Variants in KMT2B observed in about 807,000 individuals in gnomAD.
KMT2B encodes histone-lysine N-methyltransferase 2B.
A neutral mutation model predicts 255.3 loss-of-function variants in KMT2B; 22 were observed. That is an observed-to-expected ratio of 0.09 (90% CI 0.06 to 0.12). The LOEUF is 0.12. Ranked by LOEUF, KMT2B falls within the 10% of genes least tolerant of loss-of-function variation. KMT2B has a pLI of 1.00. For synonymous variants in KMT2B, 1,730 were observed against 1,498.1 expected (o/e 1.15, Z -3.57); for missense variants, 3,149 against 3,737.0 (o/e 0.84, Z 4.10).
In KMT2B at chr19:35,737,981, C is replaced by T. The variant is rs200402710; in HGVS notation, c.7742+39C>T. On this transcript the variant is annotated intron_variant, in intron 35 of 36. Coordinates refer to ENST00000420124, the MANE Select transcript of KMT2B (RefSeq NM_014727.3). The surrounding 1 kb of genome is among the most constrained non-coding windows in gnomAD (Gnocchi z 5.3). ...GGGGGGAGGATGCCCCTTGGGTGGA[C>T]GGACAGGTGCACTGGGTAGGGGGTA... The T allele has an allele frequency of 3.9e-5, 63 of 1,607,882 alleles. No individual in the cohort carries two copies. The highest frequency in any genetic ancestry group is 1.0e-4 in the Admixed American group (6 of 58,938).
At chr19:35,731,210 C>A (rs950714022) in intron 26 of KMT2B, among the ~76,000 whole-genome samples, 1 of 152,212 alleles carries the variant, frequency 6.6e-6, no homozygotes, top group Non-Finnish European at 1.5e-5. Flanking sequence ...GGGACAGTGG[C>A]TGAACACAGT....
chr19:35,721,599 A>G lies in KMT2B; in HGVS notation c.2252A>G (p.Gln751Arg). The stretch of plus-strand genomic sequence containing the variant: ...GCCTTGCAAACCCAGCTCCTGCCCC[A>G]GGCACTACCGCCACCACAGCCACAG... ...LQALQTQLLP[Q>R]ALPPPQPQLQ... The change falls in exon 3 of 37, where the codon CAG (glutamine) becomes CGG (arginine). Residue 751 changes from glutamine (Q) to arginine (R), a missense_variant. Physicochemically the swap from Gln to Arg is conservative, Grantham distance 43. Transcript: ENST00000420124. The G allele has an allele frequency of 6.2e-7, 1 of 1,611,414 alleles. No homozygotes were observed. The highest frequency in any genetic ancestry group is 8.5e-7 in the Non-Finnish European group (1 of 1,178,842).
rs7247731 is a variant in KMT2B at position 35,718,778 on chromosome 19, C to T, written c.363+397C>T. Among the ~76,000 whole-genome samples the T allele has an allele frequency of 0.081, 12,374 of 152,250 alleles. 589 individuals are homozygous for T. Among genetic ancestry groups the T allele is most frequent in the African/African-American group, 0.12 (5,090 of 41,534 alleles). On this transcript the variant is annotated intron_variant, in intron 1 of 36. Transcript: ENST00000420124. The surrounding 1 kb of genome is among the most constrained non-coding windows in gnomAD (Gnocchi z 5.0). ...CTGGGCTCTTACCTGTGGGCCGCCC[C>T]GCCGGGCCTCGCAACCTCCTGGTTT...
chr19:35,724,795 G>C, intron 9 of KMT2B, 64 bp downstream of exon 9: 1 of 1,403,914 alleles, frequency 7.1e-7, no homozygotes. Flanking sequence ...CAGAGTGACA[G>C]ACACACCTGA....
At chr19:35,724,889 C>G (rs1969372721) in intron 9 of KMT2B, 100 bp from the exon 10 acceptor site, 11 of 1,142,620 alleles carry the variant, frequency 9.6e-6, no homozygotes, top group South Asian at 3.9e-5. Flanking sequence ...GGGTCTGGAT[C>G]AGGGTCTGGG....
rs1568378349 is a variant in KMT2B, at chr19:35,729,973, G to A, written c.4924G>A (p.Glu1642Lys). ...GCTGCCCTCCCCTACGCAGCGCTGC[G>A]AGCTCTGCCTGAAGCCTGGCGCCAC... is the stretch of plus-strand genomic sequence containing the variant. The part of the protein sequence containing the change: ...AVARGRQMRC[E>K]LCLKPGATVG... Residue 1642 changes from glutamate to lysine, a missense_variant, in exon 23 of 37, where the codon GAG (glutamate) becomes AAG (lysine). Physicochemically the swap from Glu to Lys is moderately conservative, Grantham distance 56 (BLOSUM62 1). Coordinates refer to ENST00000420124, the MANE Select transcript of KMT2B (RefSeq NM_014727.3). The A allele has an allele frequency of 1.2e-6, 2 of 1,612,778 alleles. No individual in the cohort carries two copies. Among genetic ancestry groups the A allele is most frequent in the South Asian group, 1.1e-5 (1 of 90,946 alleles).
Position 35,727,106 on chromosome 19 carries a change from G to A in KMT2B, c.4004-50G>A, listed in dbSNP as rs941001269. 7.6e-7 allele frequency: 1 copy of A among 1,320,200 alleles called. No individual in the cohort carries two copies. The highest frequency in any genetic ancestry group is 1.5e-5 in the African/African-American group (1 of 68,804). 81.8% of individuals were successfully genotyped at this position (1,320,200 alleles called of 1,614,324 possible). On this transcript the variant is annotated intron_variant, in intron 14 of 36. Coordinates refer to ENST00000420124, the MANE Select transcript of KMT2B (RefSeq NM_014727.3). The surrounding 1 kb of genome is among the most constrained non-coding windows in gnomAD (Gnocchi z 4.2). ...TAATCCTTGAACAGAGACACTCAGG[G>A]CTGAGTGGGAACTCCAGCACCTCTG...
chr19:35,726,224 C>A lies in KMT2B; in HGVS notation c.3886-12C>A. 1 of 1,607,872 alleles carries A rather than the reference C, an allele frequency of 6.2e-7. No individual in the cohort carries two copies. The highest frequency in any genetic ancestry group is 8.5e-7 in the Non-Finnish European group (1 of 1,174,700). ...TGCCTGGTTTTCCCCTAACATCGCC[C>A]TGCTCCCCCAGATCTGTTCAGCCTG... On this transcript the variant is annotated splice_polypyrimidine_tract_variant and intron_variant, in intron 13 of 36. Transcript: ENST00000420124.
In KMT2B at chr19:35,733,557, C is replaced by A. The variant is rs763864327; in HGVS notation, c.6960-40C>A. On this transcript the variant is annotated intron_variant, in intron 28 of 36. Transcript: ENST00000420124. This position sits in a 1 kb window ranked among gnomAD's most constrained non-coding sequence, Gnocchi z 4.3. ...CAGAGCAGGCAAGGGGGCAGATGGG[C>A]GGGAGATGCGGCTCATCCTTCTCGG... 1.9e-6 allele frequency: 3 copies of A among 1,555,616 alleles called. No homozygotes were observed. The South Asian group carries it at 3.6e-5, about 18-fold the overall frequency.
chr19:35,727,917 C>T lies in KMT2B; in HGVS notation c.4429C>T (p.Arg1477Trp), dbSNP rs898295122. The T allele has an allele frequency of 6.9e-6, 11 of 1,600,318 alleles. No individual in the cohort carries two copies. The highest frequency in any genetic ancestry group is 2.7e-5 in the African/African-American group (2 of 74,706). Reference sequence around the variant, plus strand: ...GGAGGACATGGTGGGCATCCTCATGCGGCACTCGGAGGAGGGAGAGACCCC... The same window carrying T: ...GGAGGACATGGTGGGCATCCTCATGTGGCACTCGGAGGAGGGAGAGACCCC... ...FMEDMVGILM[R>W]HSEEGETPDR... Residue 1477 changes from arginine to tryptophan, a missense_variant, in exon 18 of 37, where the codon CGG (arginine) becomes TGG (tryptophan). Around this residue, in one of 18 missense-constraint regions of KMT2B, gnomAD observed 377 missense variants for 471.0 expected, o/e 0.80. Coordinates refer to ENST00000420124, the MANE Select transcript of KMT2B (RefSeq NM_014727.3). This position sits in a 1 kb window ranked among gnomAD's most constrained non-coding sequence, Gnocchi z 4.2.
At position 35,738,598 on chromosome 19, in the gene KMT2B, C is replaced by G; in HGVS notation, c.*41C>G. 1 of 1,587,954 alleles carries G rather than the reference C, an allele frequency of 6.3e-7. No individual in the cohort carries two copies. Among genetic ancestry groups the G allele is most frequent in the Non-Finnish European group, 8.6e-7 (1 of 1,165,278 alleles). On this transcript the variant is annotated 3_prime_UTR_variant, in exon 37 of 37. Transcript: ENST00000420124. This position sits in a 1 kb window ranked among gnomAD's most constrained non-coding sequence, Gnocchi z 8.7. ...CCACGACCCCTCACACCTCCTGCTG[C>G]CGTCGCTGCCATCTTGCCCCTAGCC...
In KMT2B at chr19:35,723,865, C is replaced by T; in HGVS notation, c.3192C>T (p.Pro1064=). ...AGGAGGTGGTGGCCCACCCAGGGCC[C>T]GAGGAGCAGGACTCCCTCCTGCAGC... The part of the protein sequence containing the change: ...PREEVVAHPG[P]EEQDSLLQRK... Residue 1064 remains proline, a synonymous_variant, in exon 8 of 37, where the codon CCC becomes CCT. Coordinates refer to ENST00000420124, the MANE Select transcript of KMT2B (RefSeq NM_014727.3). This position sits in a 1 kb window ranked among gnomAD's most constrained non-coding sequence, Gnocchi z 7.5. The T allele has an allele frequency of 6.2e-7, 1 of 1,607,494 alleles. No individual in the cohort carries two copies. The highest frequency in any genetic ancestry group is 8.5e-7 in the Non-Finnish European group (1 of 1,177,364).
intron 14 of KMT2B, among the ~76,000 whole-genome samples, chr19:35,726,697 C>G (rs978679537): frequency 6.6e-6 from 1 of 152,152 alleles, no homozygotes; most frequent in Non-Finnish European, 1.5e-5. Flanking sequence ...GAGGCCTCAT[C>G]CTAAGGCCGA....
At chr19:35,722,893 C>T (rs1438571141) in intron 5 of KMT2B, 102 bp from the exon 6 acceptor site, 20 of 1,428,986 alleles carry the variant, frequency 1.4e-5, no homozygotes, top group Middle Eastern at 2.6e-4. Flanking sequence ...AGGAACCTGG[C>T]GCTGTGAGAA....
rs1182144503 is a variant in KMT2B at position 35,721,267 on chromosome 19, C to G, written c.1920C>G (p.Ser640=). Residue 640 remains serine (S), a synonymous_variant, in exon 3 of 37, where the codon TCC becomes TCG. Transcript: ENST00000420124. ...CCCCACCCCCTGCTCCTGCCACCTC[C>G]TCCCGGAGGCCCCTACTCCTTCGGG... is the stretch of plus-strand genomic sequence containing the variant. ...APSPPPAPAT[S]SRRPLLLRAP... is the part of the protein sequence containing the mutation. The G allele has an allele frequency of 1.3e-6, 2 of 1,538,230 alleles. No homozygotes were observed. Among genetic ancestry groups the G allele is most frequent in the African/African-American group, 1.4e-5 (1 of 71,720 alleles).
Position 35,721,204 on chromosome 19 carries a change from CCCT to C in KMT2B, c.1863_1865del (p.Pro623del). ...GGACCTCACTGACCCGGGAGCTGCC[CCCT>C]CCTCCCCCAGCCCCTCCACCTCCCC... On this transcript the variant is annotated inframe_deletion, in exon 3 of 37. Coordinates refer to ENST00000420124, the MANE Select transcript of KMT2B (RefSeq NM_014727.3). 4 of 1,533,582 alleles carry C rather than the reference CCCT, an allele frequency of 2.6e-6. No individual in the cohort carries two copies. Among genetic ancestry groups the C allele is most frequent in the Non-Finnish European group, 3.5e-6 (4 of 1,139,414 alleles). 95.0% of individuals were successfully genotyped at this position (1,533,582 alleles called of 1,614,324 possible).
Position 35,732,011 on chromosome 19 carries a change from A to G in KMT2B, c.5541A>G (p.Pro1847=). The stretch of plus-strand genomic sequence containing the variant: ...AGAACCTGGACCCTCCACTGCGGCC[A>G]GATTCAGGCAGCGCCCCTCCTCCAG... ...PIQNLDPPLR[P]DSGSAPPPAP... The change falls in exon 27 of 37, where the codon CCA becomes CCG. Residue 1847 remains proline (P), a synonymous_variant. Transcript: ENST00000420124. 6.2e-7 allele frequency: 1 copy of G among 1,613,712 alleles called. No homozygotes were observed. The highest frequency in any genetic ancestry group is 8.5e-7 in the Non-Finnish European group (1 of 1,179,788).
Position 35,738,850 on chromosome 19 carries a change from C to T in KMT2B, c.*293C>T. The T allele has an allele frequency of 2.0e-6, 1 of 490,176 alleles. No individual in the cohort carries two copies. Among genetic ancestry groups the T allele is most frequent in the Non-Finnish European group, 3.6e-6 (1 of 276,932 alleles). The allele number at this position is 490,176 out of a possible 1,614,324, so 30.4% of individuals were successfully genotyped here. ...GAGGTGGGGTCCCAGGTGGGAACCC[C>T]CCCACAATAAAGTCTGTCAATGTTT... On this transcript the variant is annotated 3_prime_UTR_variant, in exon 37 of 37. Transcript: ENST00000420124. The surrounding 1 kb of genome is among the most constrained non-coding windows in gnomAD (Gnocchi z 8.7).
In KMT2B at chr19:35,720,753, G is replaced by A; in HGVS notation, c.1406G>A (p.Arg469Lys). 1 of 1,472,574 alleles carries A rather than the reference G, an allele frequency of 6.8e-7. No individual in the cohort carries two copies. Among genetic ancestry groups the A allele is most frequent in the Non-Finnish European group, 9.0e-7 (1 of 1,110,732 alleles). 91.2% of individuals were successfully genotyped at this position (1,472,574 alleles called of 1,614,324 possible). A position where few individuals can be genotyped will look rare whatever the true frequency, so the allele number is the denominator to read the frequency against. The change falls in exon 3 of 37, where the codon AGG becomes AAG. Residue 469 changes from arginine (R) to lysine (K), a missense_variant. Transcript: ENST00000420124. ...GTCCCAGCTACGTGCTCCAGGAAGA[G>A]GGGCCGGCCTCCCCTGACTCCCAGC... The part of the protein sequence containing the change: ...PVVPATCSRK[R>K]GRPPLTPSQR...
Sources: allele counts gnomAD v4.1 joint callset (sites outside exome capture counted in the v4.1 genomes callset), GRCh38; gene constraint gnomAD v4.1.1; regional missense constraint gnomAD v4.1.1; non-coding constraint Gnocchi (gnomAD v3.1); transcripts MANE v1.5; gene names NCBI Gene and HGNC (gene_info 2026-07-23, HGNC 2026-07-21).